The following VSIR variants were observed in gnomAD, a reference collection of about 807,000 sequenced individuals.
VSIR encodes V-type immunoglobulin domain-containing suppressor of T-cell activation.
In VSIR, 10 loss-of-function variants were observed where a neutral mutation model predicts 31.0. The ratio of observed to expected loss-of-function variants is 0.32; its 90% CI spans 0.20 to 0.55. The LOEUF (loss-of-function observed/expected upper bound fraction) is 0.55. Ranked by LOEUF, VSIR falls within the 20% of genes least tolerant of loss-of-function variation. The pLI, the probability that VSIR is intolerant of heterozygous loss-of-function variation, is 0.93. For synonymous variants in VSIR, 179 were observed against 180.1 expected (o/e 0.99, Z 0.05); for missense variants, 356 against 416.2 (o/e 0.86, Z 1.26).
chr10:71,760,306 T>TAC (rs142089504), intron 3 of VSIR, among the ~76,000 whole-genome samples: 5,567 of 86,320 alleles, frequency 0.064, 379 homozygotes, highest in Non-Finnish European at 0.1. Flanking sequence ...TATATGTATA[T>TAC]ACACACACAT....
intron 3 of VSIR, chr10:71,757,608 G>A (rs969974460): frequency 6.6e-6 from 1 of 152,072 alleles, no homozygotes; most frequent in Non-Finnish European, 1.5e-5. Flanking sequence ...CTGGGAAGGT[G>A]ATCAGGCGCT....
chr10:71,762,937 T>C (rs9415039), intron 1 of VSIR, among the ~76,000 whole-genome samples: 101,142 of 152,102 alleles, frequency 0.66, 34,030 homozygotes, highest in Middle Eastern at 0.76. Flanking sequence ...AGCATTTAAT[T>C]GGGTTGACCC....
At chr10:71,769,332 C>T (rs1375887560) in intron 1 of VSIR, among the ~76,000 whole-genome samples, 1 of 152,140 alleles carries the variant, frequency 6.6e-6, no homozygotes, top group Admixed American at 6.5e-5. Context: ...AAGTTTCCAA[C>T]TAGAATTCAA....
intron 3 of VSIR, among the ~76,000 whole-genome samples, chr10:71,759,818 T>TACACACACACACACACACACAC (rs1487599802): frequency 9.8e-5 from 5 of 50,826 alleles, no homozygotes; most frequent in African/African-American, 2.3e-4. Context: ...TTTCAGAAAA[T>TACACACACACACACACACACAC]ATACACACAC....
chr10:71,765,371 G>A (rs940602741), intron 1 of VSIR, among the ~76,000 whole-genome samples: 6 of 152,264 alleles, frequency 3.9e-5, no homozygotes, highest in African/African-American at 1.4e-4. Flanking sequence ...GGAGGGTATG[G>A]CAGGGCAGGC....
intron 2 of VSIR, 74 bp downstream of exon 2, chr10:71,761,524 T>C (rs1279456189): frequency 2.1e-5 from 31 of 1,446,650 alleles, no homozygotes; most frequent in Non-Finnish European, 2.5e-5. Flanking sequence ...CCCAGCACAG[T>C]GTCATGAATG....
chr10:71,750,941 G>A lies in VSIR; in HGVS notation c.*312C>T, dbSNP rs1839982523. ...AGGCTCATGTCTCAGAACGAGAGCT[G>A]CTGAAGGGCTGGACGTTCTGAGACT... On this transcript the variant is annotated 3_prime_UTR_variant, in exon 7 of 7. Transcript: ENST00000394957. The A allele has an allele frequency of 6.3e-6, 2 of 319,910 alleles. No homozygotes were observed. Among genetic ancestry groups the A allele is most frequent in the Non-Finnish European group, 1.2e-5 (2 of 173,784 alleles). 19.8% of individuals were successfully genotyped at this position (319,910 alleles called of 1,614,324 possible).
chr10:71,751,599 C>G lies in VSIR; in HGVS notation c.898+69G>C. On this transcript the variant is annotated intron_variant, in intron 6 of 6. Transcript: ENST00000394957. The surrounding 1 kb of genome is among the most constrained non-coding windows in gnomAD (Gnocchi z 4.9). Reference sequence around the variant, plus strand: ...CTTCAGGGAGGGCAGGGAGTGAGGCCGATGCCCTGCAGGCCATGAGGTCAT... The same window carrying G: ...CTTCAGGGAGGGCAGGGAGTGAGGCGGATGCCCTGCAGGCCATGAGGTCAT... 6.8e-7 allele frequency: 1 copy of G among 1,477,064 alleles called. No individual in the cohort carries two copies. The highest frequency in any genetic ancestry group is 9.0e-7 in the Non-Finnish European group (1 of 1,105,278). The allele number at this position is 1,477,064 out of a possible 1,614,324, so 91.5% of individuals were successfully genotyped here.
At chr10:71,758,657 A>G (rs1426322807) in intron 3 of VSIR, among the ~76,000 whole-genome samples, 3 of 152,202 alleles carry the variant, frequency 2.0e-5, no homozygotes, top group Non-Finnish European at 4.4e-5. Flanking sequence ...AGCTTGGGCA[A>G]GTTAGCATAC....
chr10:71,762,769 C>CT (rs1840427947), intron 1 of VSIR, among the ~76,000 whole-genome samples: 1 of 152,194 alleles, frequency 6.6e-6, no homozygotes, highest in African/African-American at 2.4e-5. Flanking sequence ...ATGGGAAAAC[C>CT]CAGTGTCTGA....
intron 1 of VSIR, among the ~76,000 whole-genome samples, chr10:71,762,741 A>C (rs1840427312): frequency 6.6e-6 from 1 of 152,238 alleles, no homozygotes; most frequent in Non-Finnish European, 1.5e-5. Context: ...AGGGTGTCCT[A>C]GGCAAGATAG....
At chr10:71,759,850 TAC>T (rs1191692110) in intron 3 of VSIR, among the ~76,000 whole-genome samples, 176 of 12,716 alleles carry the variant, frequency 0.014, 24 homozygotes, top group Middle Eastern at 0.11. Flanking sequence ...CACACACATA[TAC>T]ACACACACAC....
At chr10:71,759,624 T>C (rs964127554) in intron 3 of VSIR, among the ~76,000 whole-genome samples, 2 of 151,696 alleles carry the variant, frequency 1.3e-5, no homozygotes, top group Non-Finnish European at 2.9e-5. Flanking sequence ...CTGGCCAACA[T>C]GGTGAAACCC....
At chr10:71,769,594 G>A (rs1840640664) in intron 1 of VSIR, among the ~76,000 whole-genome samples, 1 of 152,206 alleles carries the variant, frequency 6.6e-6, no homozygotes, top group Non-Finnish European at 1.5e-5. Context: ...ACCTTCAGAG[G>A]AGGGTGGTCA....
chr10:71,771,396 C>T (rs1386563860), intron 1 of VSIR, among the ~76,000 whole-genome samples: 1 of 152,216 alleles, frequency 6.6e-6, no homozygotes, highest in Admixed American at 6.5e-5. Flanking sequence ...TCTCACTTTC[C>T]CTGGCATAAA....
intron 3 of VSIR, among the ~76,000 whole-genome samples, chr10:71,758,335 G>A (rs940722646): frequency 6.6e-6 from 1 of 152,170 alleles, no homozygotes; most frequent in Non-Finnish European, 1.5e-5. Context: ...GTATCTCCAG[G>A]GCCTAGCAGG....
chr10:71,752,616 C>T (rs7074978), intron 5 of VSIR, among the ~76,000 whole-genome samples: 34,836 of 152,094 alleles, frequency 0.23, 4,187 homozygotes, highest in Non-Finnish European at 0.27. Flanking sequence ...GAGTTCTCTG[C>T]GGGCAGGAGG....
At chr10:71,755,561 G>A in intron 3 of VSIR, 95 bp from the exon 4 acceptor site, 1 of 1,167,016 alleles carries the variant, frequency 8.6e-7, no homozygotes, top group Non-Finnish European at 1.2e-6. Flanking sequence ...CAGGAAGCAG[G>A]AGACCCGCCT....
rs909735601 is a variant in VSIR at position 71,760,931 on chromosome 10, G to A, written c.512-7C>T. On this transcript the variant is annotated splice_polypyrimidine_tract_variant and splice_region_variant and intron_variant, in intron 2 of 6. Coordinates refer to ENST00000394957, the MANE Select transcript of VSIR (RefSeq NM_022153.2). ...TTGGATGGTGCATCTTTGCCTGTGG[G>A]AACAAACAGAAGGGCCATTAGGTGG... is the stretch of plus-strand genomic sequence containing the variant. 2.5e-6 allele frequency: 4 copies of A among 1,613,734 alleles called. No homozygotes were observed. Among genetic ancestry groups the A allele is most frequent in the African/African-American group, 2.7e-5 (2 of 75,008 alleles).
Sources: gnomAD v4.1 joint callset for allele counts (sites outside exome capture counted in the v4.1 genomes callset) on GRCh38, gnomAD v4.1.1 for gene constraint, Gnocchi (gnomAD v3.1) non-coding constraint, MANE v1.5 for transcripts, NCBI Gene and HGNC (gene_info 2026-07-23, HGNC 2026-07-21) for gene names.